Variants in FAM135B observed in about 807,000 individuals in gnomAD.
FAM135B encodes protein FAM135B.
In FAM135B, 43 loss-of-function variants were observed where a neutral mutation model predicts 127.7. The ratio of observed to expected loss-of-function variants is 0.34; its 90% CI spans 0.26 to 0.43. The LOEUF (loss-of-function observed/expected upper bound fraction) is 0.43. FAM135B is among the 20% of genes least tolerant of loss of function. The pLI, the probability that FAM135B is intolerant of heterozygous loss-of-function variation, is 1.00. For missense variants in FAM135B, 1,558 were observed against 1,725.6 expected, an observed-to-expected ratio of 0.90 and a Z score of 1.72; for synonymous variants, 670 against 665.1, an observed-to-expected ratio of 1.01 and a Z score of -0.11.
intron 2 of FAM135B, among the ~76,000 whole-genome samples, chr8:138,338,095 T>C (rs1178861507): frequency 1.3e-5 from 2 of 152,170 alleles, no homozygotes; most frequent in Non-Finnish European, 2.9e-5. Context: ...TTAAACCTTA[T>C]ACAAAAATTA....
intron 1 of FAM135B, among the ~76,000 whole-genome samples, chr8:138,369,738 G>A (rs2131227720): frequency 6.6e-6 from 1 of 152,254 alleles, no homozygotes; most frequent in South Asian, 2.1e-4. Flanking sequence ...GCCGGATGGA[G>A]GGGCAAGCAA....
intron 7 of FAM135B, among the ~76,000 whole-genome samples, chr8:138,225,457 AAAAAAAAACAAAAAAAC>A (rs1819344861): frequency 1.2e-5 from 1 of 85,446 alleles, no homozygotes; most frequent in Non-Finnish European, 2.6e-5. Context: ...CAAAAAAACA[AAAAAAAAACAAAAAAAC>A]AAAAAAAACA....
intron 2 of FAM135B, among the ~76,000 whole-genome samples, chr8:138,355,622 G>T (rs546647253): frequency 6.6e-6 from 1 of 152,236 alleles, no homozygotes; most frequent in Non-Finnish European, 1.5e-5. Context: ...TTGGCTGGAA[G>T]GATTCAGTTC....
intron 1 of FAM135B, among the ~76,000 whole-genome samples, chr8:138,443,225 G>A (rs929048258): frequency 1.3e-5 from 2 of 152,122 alleles, no homozygotes; most frequent in Non-Finnish European, 2.9e-5. Flanking sequence ...AAATAAAATA[G>A]GAAATTAATA....
chr8:138,336,519 C>A (rs112640548), intron 2 of FAM135B, among the ~76,000 whole-genome samples: 52 of 152,136 alleles, frequency 3.4e-4, no homozygotes, highest in Admixed American at 8.5e-4. Flanking sequence ...GAAATGGATA[C>A]ATTCCTCGAC....
intron 2 of FAM135B, among the ~76,000 whole-genome samples, chr8:138,333,427 A>G (rs1317264302): frequency 6.6e-6 from 1 of 151,964 alleles, no homozygotes; most frequent in Non-Finnish European, 1.5e-5. Flanking sequence ...CCACATTTCC[A>G]CATCTTTGCA....
At chr8:138,382,252 C>A (rs561161557) in intron 1 of FAM135B, among the ~76,000 whole-genome samples, 1 of 152,088 alleles carries the variant, frequency 6.6e-6, no homozygotes, top group African/African-American at 2.4e-5. Flanking sequence ...AGGGCCTTAA[C>A]GATGGTCTTA....
intron 5 of FAM135B, among the ~76,000 whole-genome samples, chr8:138,252,961 A>G (rs1821810399): frequency 6.6e-6 from 1 of 152,010 alleles, no homozygotes; most frequent in Non-Finnish European, 1.5e-5. Context: ...CACCACGCCC[A>G]GCTAATTTTT....
At chr8:138,494,868 G>T (rs1001126946) in intron 1 of FAM135B, among the ~76,000 whole-genome samples, 11 of 147,376 alleles carry the variant, frequency 7.5e-5, no homozygotes, top group African/African-American at 2.9e-4. Context: ...TCCACCCATT[G>T]TGAGCAGGCC....
intron 1 of FAM135B, among the ~76,000 whole-genome samples, chr8:138,442,237 C>CATATAT (rs759993575): frequency 0.092 from 4,680 of 51,116 alleles, 605 homozygotes; most frequent in East Asian, 0.28. Flanking sequence ...ATATGGACAC[C>CATATAT]ATATATATAT....
intron 1 of FAM135B, among the ~76,000 whole-genome samples, chr8:138,380,116 T>C (rs1831750309): frequency 6.6e-6 from 1 of 152,224 alleles, no homozygotes; most frequent in Non-Finnish European, 1.5e-5. Flanking sequence ...GTATCAGTGG[T>C]GAGTGGTGTC....
chr8:138,182,854 C>T (rs907939612), intron 9 of FAM135B, among the ~76,000 whole-genome samples: 6 of 152,200 alleles, frequency 3.9e-5, no homozygotes, highest in Admixed American at 6.5e-5. Flanking sequence ...TGTCTGGGCC[C>T]GTCTCAGATT....
chr8:138,372,263 T>A (rs1831178376), intron 1 of FAM135B, among the ~76,000 whole-genome samples: 1 of 152,198 alleles, frequency 6.6e-6, no homozygotes, highest in African/African-American at 2.4e-5. Flanking sequence ...GGAACCCTAG[T>A]TACTGCCTGG....
intron 19 of FAM135B, among the ~76,000 whole-genome samples, chr8:138,134,268 T>C (rs1392090668): frequency 6.6e-6 from 1 of 152,200 alleles, no homozygotes; most frequent in African/African-American, 2.4e-5. Flanking sequence ...GTGAATATTA[T>C]GTAATAACAA....
intron 1 of FAM135B, among the ~76,000 whole-genome samples, chr8:138,388,802 G>T (rs1832370218): frequency 6.6e-6 from 1 of 152,146 alleles, no homozygotes; most frequent in Admixed American, 6.5e-5. Flanking sequence ...TACTCAGTAG[G>T]ACATTACAAT....
intron 1 of FAM135B, among the ~76,000 whole-genome samples, chr8:138,489,753 C>G (rs991382110): frequency 6.6e-6 from 1 of 152,154 alleles, no homozygotes; most frequent in Non-Finnish European, 1.5e-5. Flanking sequence ...CATCCTACTG[C>G]CTGCAATACT....
intron 1 of FAM135B, among the ~76,000 whole-genome samples, chr8:138,432,936 G>A (rs139488037): frequency 1.3e-3 from 192 of 152,216 alleles, no homozygotes; most frequent in African/African-American, 2.2e-3. Flanking sequence ...AAGGCACACA[G>A]GAAGGAATGA....
intron 7 of FAM135B, among the ~76,000 whole-genome samples, chr8:138,236,413 C>G (rs1028504700): frequency 4.6e-5 from 7 of 151,960 alleles, no homozygotes; most frequent in Non-Finnish European, 1.0e-4. Context: ...CACACACACA[C>G]ACACACACAC....
In FAM135B at chr8:138,497,184, C is replaced by G. The variant is rs1815430586; in HGVS notation, c.-533G>C. On this transcript the variant is annotated 5_prime_UTR_variant, in exon 1 of 20. Coordinates refer to ENST00000395297, the MANE Select transcript of FAM135B (RefSeq NM_015912.4). The stretch of plus-strand genomic sequence containing the variant: ...GCGCCGCGCCGCGCGCCCTCGCGGC[C>G]GGGAGAGCCCGCCCTGCTGCTCCCG... Among the ~76,000 whole-genome samples the G allele has an allele frequency of 6.6e-6, 1 of 151,078 alleles. No individual in the cohort carries two copies. The highest frequency in any genetic ancestry group is 1.5e-5 in the Non-Finnish European group (1 of 67,714).
Sources: allele counts gnomAD v4.1 joint callset (sites outside exome capture counted in the v4.1 genomes callset), GRCh38; gene constraint gnomAD v4.1.1; transcripts MANE v1.5; gene names NCBI Gene and HGNC (gene_info 2026-07-23, HGNC 2026-07-21).